RELN: variants seen among roughly 807,000 people sequenced by gnomAD.
The protein encoded by RELN is reelin.
In RELN, 108 loss-of-function variants were observed where a neutral mutation model predicts 427.6. The observed-to-expected ratio is 0.25, with a 90% CI of 0.22 to 0.30. The LOEUF (loss-of-function observed/expected upper bound fraction) is 0.30, where lower values mean the gene tolerates loss of function less well. Ranked by LOEUF, RELN falls within the 10% of genes least tolerant of loss-of-function variation. The pLI, the probability that RELN is intolerant of heterozygous loss-of-function variation, is 1.00. For missense variants in RELN, 3,715 were observed against 4,302.8 expected (o/e 0.86, Z 3.82); for synonymous variants, 1,524 against 1,513.4 (o/e 1.01, Z -0.16).
chr7:103,591,579 G>A (rs528339721), intron 27 of RELN, among the ~76,000 whole-genome samples: 1 of 152,280 alleles, frequency 6.6e-6, no homozygotes, highest in Non-Finnish European at 1.5e-5. Flanking sequence ...TCAGATGCAT[G>A]ATTAAACTCT....
chr7:103,922,405 C>T (rs1054864962), intron 1 of RELN, among the ~76,000 whole-genome samples: 1 of 152,012 alleles, frequency 6.6e-6, no homozygotes, highest in Non-Finnish European at 1.5e-5. Flanking sequence ...GTCACTAAGA[C>T]TTTACACCAT....
At chr7:103,722,885 T>C (rs1362984857) in intron 8 of RELN, among the ~76,000 whole-genome samples, 3 of 152,330 alleles carry the variant, frequency 2.0e-5, no homozygotes, top group South Asian at 2.1e-4. Context: ...AAAATACATA[T>C]GTAAATCATC....
chr7:103,599,367 C>T (rs1048234128), intron 24 of RELN, among the ~76,000 whole-genome samples: 1 of 152,100 alleles, frequency 6.6e-6, no homozygotes, highest in East Asian at 1.9e-4. Context: ...GGAATGGCAA[C>T]TGAGGGCTGC....
chr7:103,580,658 T>G (rs557154410), intron 28 of RELN, among the ~76,000 whole-genome samples: 1 of 152,322 alleles, frequency 6.6e-6, no homozygotes, highest in South Asian at 2.1e-4. Flanking sequence ...TTCTGAAGTT[T>G]TATTATAGTG....
At chr7:103,602,079 C>T (rs1289307480) in intron 24 of RELN, among the ~76,000 whole-genome samples, 1 of 152,200 alleles carries the variant, frequency 6.6e-6, no homozygotes, top group African/African-American at 2.4e-5. Flanking sequence ...ACTATTCCTC[C>T]TTCTTCCAAT....
chr7:103,749,021 TGGAGTA>T (rs1183549572), intron 6 of RELN, among the ~76,000 whole-genome samples: 2 of 152,170 alleles, frequency 1.3e-5, no homozygotes, highest in African/African-American at 4.8e-5. Flanking sequence ...AAGGAAAGAC[TGGAGTA>T]TACATAATGA....
intron 4 of RELN, among the ~76,000 whole-genome samples, chr7:103,765,244 T>C (rs1364505260): frequency 1.3e-5 from 2 of 152,198 alleles, no homozygotes; most frequent in African/African-American, 2.4e-5. Context: ...GAAAGCACAA[T>C]TGGAGCAAGG....
At chr7:103,483,434 C>T (rs1289854898) in intron 62 of RELN, among the ~76,000 whole-genome samples, 2 of 152,218 alleles carry the variant, frequency 1.3e-5, no homozygotes, top group Non-Finnish European at 2.9e-5. Flanking sequence ...TGTCTATTCC[C>T]TCTTGTCCTT....
chr7:103,929,178 GC>G (rs1199385001), intron 1 of RELN, among the ~76,000 whole-genome samples: 1 of 139,250 alleles, frequency 7.2e-6, no homozygotes, highest in Non-Finnish European at 1.7e-5. Context: ...AGTCTTTATT[GC>G]AGTACTTATC....
intron 22 of RELN, among the ~76,000 whole-genome samples, chr7:103,606,975 C>T (rs1831835082): frequency 1.3e-5 from 2 of 151,618 alleles, no homozygotes; most frequent in African/African-American, 2.4e-5. Context: ...ATAATGGTTT[C>T]CAGTTTCATC....
intron 24 of RELN, 115 bp from the exon 25 acceptor site, chr7:103,596,776 C>T: frequency 1.1e-6 from 1 of 897,220 alleles, no homozygotes. Context: ...GGTCTCGTCC[C>T]CATTTATTGT....
intron 28 of RELN, among the ~76,000 whole-genome samples, chr7:103,585,283 A>C (rs1030256049): frequency 5.3e-5 from 8 of 152,184 alleles, no homozygotes; most frequent in Non-Finnish European, 1.2e-4. Flanking sequence ...CCTCTTTGAA[A>C]AGATAACAAA....
chr7:103,797,121 T>C (rs1792324489), intron 3 of RELN, among the ~76,000 whole-genome samples: 1 of 152,028 alleles, frequency 6.6e-6, no homozygotes, highest in African/African-American at 2.4e-5. Context: ...GCGTCGCTCT[T>C]GTCACCCAGG....
In RELN at chr7:103,489,906, G is replaced by C; in HGVS notation, c.9606-7C>G. The C allele has an allele frequency of 6.2e-7, 1 of 1,614,040 alleles. No homozygotes were observed. The highest frequency in any genetic ancestry group is 1.1e-5 in the South Asian group (1 of 91,058). ...CCAGCGGAACTGTGTTGCACTGAAA[G>C]AACCACAGAGAGCAGAAGGGATTCA... On this transcript the variant is annotated splice_region_variant and splice_polypyrimidine_tract_variant and intron_variant, in intron 59 of 64. Transcript: ENST00000428762.
At chr7:103,978,056 C>A (rs4321924) in intron 1 of RELN, among the ~76,000 whole-genome samples, 79,218 of 151,748 alleles carry the variant, frequency 0.52, 20,747 homozygotes, top group African/African-American at 0.58. Context: ...ATGAAAACAT[C>A]TATTTATCTT....
intron 1 of RELN, among the ~76,000 whole-genome samples, chr7:103,955,929 C>T (rs35857822): frequency 9.9e-5 from 15 of 152,184 alleles, no homozygotes; most frequent in African/African-American, 1.4e-4. Flanking sequence ...TGTATCAGAT[C>T]GGGATAGCCT....
intron 3 of RELN, among the ~76,000 whole-genome samples, chr7:103,806,149 A>G (rs905066826): frequency 6.6e-6 from 1 of 152,216 alleles, no homozygotes; most frequent in South Asian, 2.1e-4. Context: ...ATACTACCAT[A>G]TGTAATCAAG....
In RELN at chr7:103,519,261, T is replaced by A. The variant is rs565197495; in HGVS notation, c.7862+62A>T. 6.1e-5 allele frequency: 79 copies of A among 1,299,560 alleles called. No individual in the cohort carries two copies. In the South Asian group the frequency reaches 9.0e-4, roughly 15 times the overall value. 80.5% of individuals were successfully genotyped at this position (1,299,560 alleles called of 1,614,324 possible). On this transcript the variant is annotated intron_variant, in intron 49 of 64. Transcript: ENST00000428762. Reference sequence around the variant, plus strand: ...GAGGTCCCCCTCAGTCTCCCGTGACTGATTGCTGGTAGCAATCTCTGCTCG... The same window carrying A: ...GAGGTCCCCCTCAGTCTCCCGTGACAGATTGCTGGTAGCAATCTCTGCTCG...
At position 103,486,232 on chromosome 7, in the gene RELN, T is replaced by C. The variant is rs141930548; in HGVS notation, c.9948A>G (p.Gln3316=). The C allele has an allele frequency of 5.6e-6, 9 of 1,613,950 alleles. No individual in the cohort carries two copies. The highest frequency in any genetic ancestry group is 3.3e-5 in the South Asian group (3 of 91,072). ...TGAGATCCAGAGGCTTGGTAGCTGC[T>C]TGCCTGATCTGACAGCCATTAAAGT... is the stretch of plus-strand genomic sequence containing the variant. ...SLYFNGCQIR[Q]AATKPLDLTR... The change falls in exon 61 of 65, where the codon CAA becomes CAG. Residue 3316 remains glutamine, a synonymous_variant. Transcript: ENST00000428762.
Sources: gnomAD v4.1 joint callset for allele counts (sites outside exome capture counted in the v4.1 genomes callset) on GRCh38, gnomAD v4.1.1 for gene constraint, MANE v1.5 for transcripts, NCBI Gene and HGNC (gene_info 2026-07-23, HGNC 2026-07-21) for gene names.